The following ZNF860 variants were observed in gnomAD, a reference collection of about 807,000 sequenced individuals.
ZNF860 encodes the protein zinc finger protein 860.
For synonymous variants in ZNF860, 206 were observed against 248.9 expected, an observed-to-expected ratio of 0.83 and a Z score of 1.62; for missense variants, 641 against 759.2, an observed-to-expected ratio of 0.84 and a Z score of 1.83.
chr3:31,999,253 A>G, the ZNF860 span, among the ~76,000 whole-genome samples: 2 of 152,036 alleles, frequency 1.3e-5, no homozygotes, highest in South Asian at 4.2e-4. Context: ...CCCTAACCTG[A>G]TTCCCCTATG....
chr3:31,991,593 A>G lies in ZNF860; in HGVS notation c.*615A>G, dbSNP rs1575080708. On this transcript the variant is annotated 3_prime_UTR_variant, in exon 2 of 2. Transcript: ENST00000360311. The stretch of plus-strand genomic sequence containing the variant: ...AATTTAACTAATTTTTGGTACTGAT[A>G]TTGTATTCTGCAAATACACTGTGTT... 1.2e-5 allele frequency: 2 copies of G among 166,802 alleles called. No individual in the cohort carries two copies. The highest frequency in any genetic ancestry group is 2.4e-5 in the African/African-American group (1 of 41,534). The allele number at this position is 166,802 out of a possible 1,614,324, so 10.3% of individuals were successfully genotyped here.
At chr3:32,000,673 C>T in the ZNF860 span, among the ~76,000 whole-genome samples, 1 of 152,172 alleles carries the variant, frequency 6.6e-6, no homozygotes, top group African/African-American at 2.4e-5. Flanking sequence ...TTGTTGACTC[C>T]TGCACTGCAA....
Position 31,991,037 on chromosome 3 carries a change from A to T in ZNF860, c.*59A>T. 6.9e-7 allele frequency: 1 copy of T among 1,459,320 alleles called. No homozygotes were observed. The highest frequency in any genetic ancestry group is 9.3e-7 in the Non-Finnish European group (1 of 1,076,346). 90.4% of individuals were successfully genotyped at this position (1,459,320 alleles called of 1,614,324 possible). On this transcript the variant is annotated 3_prime_UTR_variant, in exon 2 of 2. Coordinates refer to ENST00000360311, the MANE Select transcript of ZNF860 (RefSeq NM_001137674.3). ...TCCTGAGATAATTGTTCCAAATGCA[A>T]TGAGTATAGCAAACCATCAAGCATT...
At chr3:32,003,844 A>T in the ZNF860 span, among the ~76,000 whole-genome samples, 1 of 152,162 alleles carries the variant, frequency 6.6e-6, no homozygotes, top group African/African-American at 2.4e-5. Context: ...AAGGTGGAAA[A>T]GGGAGAACAG....
downstream of ZNF860, among the ~76,000 whole-genome samples, chr3:31,992,723 G>C (rs113942298): frequency 6.6e-6 from 1 of 152,210 alleles, no homozygotes; most frequent in African/African-American, 2.4e-5. Context: ...GCCAGGCATG[G>C]TGACTCATGC....
chr3:31,989,368 A>G lies in ZNF860; in HGVS notation c.289A>G (p.Ile97Val), dbSNP rs1253283212. ...ATTAGAAAGACATGAAAGTCATCACATTGGAGATTTTTGCTTCCAGAAAAT... is the reference window on the plus strand; with the variant it reads ...ATTAGAAAGACATGAAAGTCATCACGTTGGAGATTTTTGCTTCCAGAAAAT... The part of the protein sequence containing the change: ...GTLERHESHH[I>V]GDFCFQKIGK... The change falls in exon 2 of 2, where the codon ATT becomes GTT. Residue 97 changes from isoleucine to valine, a missense_variant. Transcript: ENST00000360311. 2 of 1,614,216 alleles carry G rather than the reference A, an allele frequency of 1.2e-6. No homozygotes were observed. Among genetic ancestry groups the G allele is most frequent in the Non-Finnish European group, 1.7e-6 (2 of 1,180,036 alleles).
At chr3:31,987,146 C>G (rs1698946084) in intron 1 of ZNF860, among the ~76,000 whole-genome samples, 3 of 151,974 alleles carry the variant, frequency 2.0e-5, no homozygotes, top group Admixed American at 2.0e-4. Flanking sequence ...ATATATACAT[C>G]TCCTTCCCTT....
downstream of ZNF860, among the ~76,000 whole-genome samples, chr3:31,993,798 G>A (rs1034472039): frequency 2.0e-5 from 3 of 151,994 alleles, no homozygotes; most frequent in Non-Finnish European, 4.4e-5. Context: ...AGTCACTTTG[G>A]AAAACAGTTT....
the ZNF860 span, among the ~76,000 whole-genome samples, chr3:31,999,514 C>G: frequency 6.6e-6 from 1 of 151,882 alleles, no homozygotes; most frequent in East Asian, 1.9e-4. Context: ...GCATGCACAA[C>G]CACGCCCACC....
rs1698979120 is a variant in ZNF860 at position 31,988,733 on chromosome 3, G to A, written c.-347G>A. The A allele has an allele frequency of 1.7e-5, 5 of 294,828 alleles. No individual in the cohort carries two copies. In the South Asian group the frequency reaches 2.6e-4, roughly 15 times the overall value. The allele number at this position is 294,828 out of a possible 1,614,324, so 18.3% of individuals were successfully genotyped here. ...AATGGATAGCCCAGGCAGGAGGCAT[G>A]AAGGTGTGCCAGCCACTGTGTCAGT... On this transcript the variant is annotated 5_prime_UTR_variant, in exon 2 of 2. It removes an upstream start codon present in the reference 5' UTR. Transcript: ENST00000360311.
At chr3:32,003,341 G>A in the ZNF860 span, among the ~76,000 whole-genome samples, 1 of 152,218 alleles carries the variant, frequency 6.6e-6, no homozygotes, top group Non-Finnish European at 1.5e-5. Context: ...GCCCCCAGAG[G>A]GGAAGTGCTA....
At chr3:32,002,170 A>G in the ZNF860 span, among the ~76,000 whole-genome samples, 1 of 151,860 alleles carries the variant, frequency 6.6e-6, no homozygotes, top group Non-Finnish European at 1.5e-5. Context: ...TCATTCATTT[A>G]CTCGCCCATT....
At chr3:31,985,109 C>A (rs990634928) in intron 1 of ZNF860, among the ~76,000 whole-genome samples, 2 of 152,118 alleles carry the variant, frequency 1.3e-5, no homozygotes, top group African/African-American at 2.4e-5. Flanking sequence ...CGTGGTCATA[C>A]ACGCCTGTAG....
the ZNF860 span, among the ~76,000 whole-genome samples, chr3:32,004,529 C>T: frequency 2.5e-4 from 38 of 152,330 alleles, no homozygotes; most frequent in African/African-American, 9.1e-4. Flanking sequence ...TTTGAGCCTT[C>T]AAGATATCGG....
chr3:31,986,604 A>G (rs1297744735), intron 1 of ZNF860, among the ~76,000 whole-genome samples: 1 of 150,060 alleles, frequency 6.7e-6, no homozygotes, highest in Non-Finnish European at 1.5e-5. Context: ...AAAAGTTTAT[A>G]TTTTTTTATA....
chr3:31,990,436 C>A lies in ZNF860; in HGVS notation c.1357C>A (p.Pro453Thr), dbSNP rs149428385. 36 of 1,567,772 alleles carry A rather than the reference C, an allele frequency of 2.3e-5. No homozygotes were observed. The East Asian group carries it at 9.5e-4, about 41-fold the overall frequency. Residue 453 changes from proline to threonine, a missense_variant, in exon 2 of 2, where the codon CCT becomes ACT. Transcript: ENST00000360311. The stretch of plus-strand genomic sequence containing the variant: ...TTGGCGAACTCATACTGGAGAGAAA[C>A]CTTACAAGTGTAATGAGTGTGGCAA... ...VHWRTHTGEK[P>T]YKCNECGKTF...
At chr3:31,998,411 G>T in the ZNF860 span, among the ~76,000 whole-genome samples, 2 of 152,134 alleles carry the variant, frequency 1.3e-5, no homozygotes, top group East Asian at 3.9e-4. Flanking sequence ...TAGTAAGGGA[G>T]AATTATTGGT....
At chr3:31,982,268 C>T (rs979848570) in intron 1 of ZNF860, among the ~76,000 whole-genome samples, 5 of 152,180 alleles carry the variant, frequency 3.3e-5, no homozygotes, top group African/African-American at 7.2e-5. Context: ...TTCTATCCCA[C>T]TAATATTTTT....
chr3:31,984,361 TA>T (rs1339649620), intron 1 of ZNF860, among the ~76,000 whole-genome samples: 1 of 151,608 alleles, frequency 6.6e-6, no homozygotes, highest in Admixed American at 6.6e-5. Flanking sequence ...TTTTTTTTTT[TA>T]AGGATAGTTT....
Sources: allele counts gnomAD v4.1 joint callset (sites outside exome capture counted in the v4.1 genomes callset), GRCh38; gene constraint gnomAD v4.1.1; transcripts MANE v1.5; gene names NCBI Gene and HGNC (gene_info 2026-07-23, HGNC 2026-07-21).